Variants in AGFG2 observed in about 807,000 individuals in gnomAD.
The protein encoded by AGFG2 is ArfGAP with FG repeats 2, also known as arf-GAP domain and FG repeat-containing protein 2.
Under a neutral mutation model 48.0 loss-of-function variants are expected in AGFG2, and 31 were observed. The observed-to-expected ratio is 0.65, with a 90% CI of 0.49 to 0.87. AGFG2 has a LOEUF of 0.87. Among genes scored for constraint, AGFG2 ranks in the 40% least tolerant of loss-of-function variants. The pLI is 0.00. For missense variants in AGFG2, 599 were observed against 632.6 expected, an observed-to-expected ratio of 0.95 and a Z score of 0.57; for synonymous variants, 229 against 260.8, an observed-to-expected ratio of 0.88 and a Z score of 1.18.
At chr7:100,542,635 G>A (rs1800443484) in intron 1 of AGFG2, among the ~76,000 whole-genome samples, 1 of 152,184 alleles carries the variant, frequency 6.6e-6, no homozygotes, top group Non-Finnish European at 1.5e-5. Flanking sequence ...TTGATATGCT[G>A]TGGGAAGGAG....
intron 9 of AGFG2, among the ~76,000 whole-genome samples, 186 bp downstream of exon 9, chr7:100,563,132 A>C (rs1420666072): frequency 5.3e-5 from 8 of 152,180 alleles, no homozygotes; most frequent in Non-Finnish European, 1.2e-4. Context: ...TTAGAATTAG[A>C]AGCACACAGG....
Position 100,564,321 on chromosome 7 carries a change from G to C in AGFG2, c.1386+18G>C, listed in dbSNP as rs1264992344. Reference sequence around the variant, plus strand: ...CCTTCATGGTGAGTGTGCCAGCAGGGGTGCTGTGGTAGGGCTCGTGGGCTT... The same window carrying C: ...CCTTCATGGTGAGTGTGCCAGCAGGCGTGCTGTGGTAGGGCTCGTGGGCTT... On this transcript the variant is annotated intron_variant, in intron 11 of 11. Transcript: ENST00000300176. 1 of 1,608,686 alleles carries C rather than the reference G, an allele frequency of 6.2e-7. No homozygotes were observed. Among genetic ancestry groups the C allele is most frequent in the African/African-American group, 1.3e-5 (1 of 74,876 alleles).
intron 1 of AGFG2, 48 bp from the exon 2 acceptor site, chr7:100,548,774 C>T (rs1800562281): frequency 6.9e-7 from 1 of 1,446,628 alleles, no homozygotes; most frequent in Admixed American, 1.7e-5. Context: ...AACAGCCTGC[C>T]ATGCTAACTG....
rs753226163 is a variant in AGFG2 at position 100,562,689 on chromosome 7, C to G, written c.1087+7C>G. ...ACAGGGCTGGCCTTTGGAGGTGAGTCCTGCCTGTGGAGACCCAGGGGAGGG... is the reference window on the plus strand; with the variant it reads ...ACAGGGCTGGCCTTTGGAGGTGAGTGCTGCCTGTGGAGACCCAGGGGAGGG... On this transcript the variant is annotated splice_region_variant and intron_variant, in intron 8 of 11. Transcript: ENST00000300176. The surrounding 1 kb of genome is among the most constrained non-coding windows in gnomAD (Gnocchi z 5.4). 5 of 1,604,914 alleles carry G rather than the reference C, an allele frequency of 3.1e-6. No homozygotes were observed. The South Asian group carries it at 5.5e-5, about 18-fold the overall frequency.
At chr7:100,556,708 T>C (rs1217388693) in intron 6 of AGFG2, 10 of 1,189,568 alleles carry the variant, frequency 8.4e-6, no homozygotes, top group Middle Eastern at 2.3e-4. Flanking sequence ...CCCTTAAAAT[T>C]TGGCCATTTG....
At chr7:100,555,252 GT>G (rs1800732843) in intron 5 of AGFG2, among the ~76,000 whole-genome samples, 1 of 129,376 alleles carries the variant, frequency 7.7e-6, no homozygotes, top group Non-Finnish European at 1.7e-5. Flanking sequence ...TTTTTCTGTT[GT>G]GTGTGTGTGG....
chr7:100,540,524 G>C (rs932288000), intron 1 of AGFG2, among the ~76,000 whole-genome samples: 1 of 152,016 alleles, frequency 6.6e-6, no homozygotes, highest in Non-Finnish European at 1.5e-5. Flanking sequence ...CTAGATTTCT[G>C]GTTATATAGT....
intron 5 of AGFG2, among the ~76,000 whole-genome samples, chr7:100,555,293 A>G (rs548691897): frequency 5.3e-3 from 181 of 33,910 alleles, no homozygotes; most frequent in Non-Finnish European, 8.2e-3. Context: ...TTTTTTTTTG[A>G]GTCAGAGTCT....
intron 9 of AGFG2, among the ~76,000 whole-genome samples, 191 bp from the exon 10 acceptor site, chr7:100,563,643 A>AC (rs1236769869): frequency 1.3e-5 from 2 of 152,032 alleles, no homozygotes; most frequent in African/African-American, 4.8e-5. Context: ...CCTGCCACGT[A>AC]CCCCCGGGCA....
Position 100,560,810 on chromosome 7 carries a change from T to C in AGFG2, c.878-1449T>C, listed in dbSNP as rs929485138. Among the ~76,000 whole-genome samples the C allele has an allele frequency of 6.0e-3, 796 of 132,288 alleles. 6 individuals are homozygous for C. Among genetic ancestry groups the C allele is most frequent in the Non-Finnish European group, 9.6e-3 (568 of 59,358 alleles). 86.8% of individuals were successfully genotyped at this position (132,288 alleles called of 152,430 possible). A position where few individuals can be genotyped will look rare whatever the true frequency, so the allele number is the denominator to read the frequency against. On this transcript the variant is annotated intron_variant, in intron 6 of 11. Coordinates refer to ENST00000300176, the MANE Select transcript of AGFG2 (RefSeq NM_006076.5). ...TGCCTGGCATGTGGAAGATCTCCCTTTTTTTTTTTTTTTTTTTTTGAGACG... is the reference window on the plus strand; with the variant it reads ...TGCCTGGCATGTGGAAGATCTCCCTCTTTTTTTTTTTTTTTTTTTGAGACG...
intron 1 of AGFG2, among the ~76,000 whole-genome samples, chr7:100,547,145 G>A (rs1340668774): frequency 6.6e-6 from 1 of 151,992 alleles, no homozygotes; most frequent in Non-Finnish European, 1.5e-5. Context: ...ACTCTGTACT[G>A]AGTCCGCCCA....
intron 3 of AGFG2, among the ~76,000 whole-genome samples, chr7:100,551,056 A>T (rs1364560772): frequency 3.8e-5 from 3 of 79,774 alleles, no homozygotes; most frequent in African/African-American, 1.3e-4. Context: ...ATATATATAT[A>T]TATATATATA....
chr7:100,562,551 G>A lies in AGFG2; in HGVS notation c.999-43G>A. 6.2e-7 allele frequency: 1 copy of A among 1,612,764 alleles called. No individual in the cohort carries two copies. The highest frequency in any genetic ancestry group is 1.1e-5 in the South Asian group (1 of 90,982). Reference sequence around the variant, plus strand: ...CCTGGCCCCTTGCTCAGGTTTGATTGGCCCTGGCAGCTGTGTATGACTTCT... The same window carrying A: ...CCTGGCCCCTTGCTCAGGTTTGATTAGCCCTGGCAGCTGTGTATGACTTCT... On this transcript the variant is annotated intron_variant, in intron 7 of 11. Coordinates refer to ENST00000300176, the MANE Select transcript of AGFG2 (RefSeq NM_006076.5). The surrounding 1 kb of genome is among the most constrained non-coding windows in gnomAD (Gnocchi z 5.4).
chr7:100,545,789 G>A (rs540515231), intron 1 of AGFG2, among the ~76,000 whole-genome samples: 4 of 152,230 alleles, frequency 2.6e-5, no homozygotes, highest in African/African-American at 9.6e-5. Context: ...GCATGACCCT[G>A]GTGTGTACCC....
intron 2 of AGFG2, 137 bp from the exon 3 acceptor site, chr7:100,550,259 A>G (rs1800600476): frequency 1.7e-6 from 1 of 591,310 alleles, no homozygotes; most frequent in African/African-American, 2.0e-5. Flanking sequence ...GTGAGCTGAG[A>G]TCGTGCCACT....
intron 6 of AGFG2, among the ~76,000 whole-genome samples, chr7:100,558,529 T>C (rs1800801985): frequency 6.6e-6 from 1 of 150,538 alleles, no homozygotes; most frequent in African/African-American, 2.5e-5. Flanking sequence ...ACAGAGTTTT[T>C]TTTGTTTTTG....
chr7:100,559,181 TC>T (rs1332920444), intron 6 of AGFG2, among the ~76,000 whole-genome samples: 1 of 152,118 alleles, frequency 6.6e-6, no homozygotes, highest in Non-Finnish European at 1.5e-5. Context: ...AAGGAACATT[TC>T]CGAGGATCCT....
At chr7:100,552,876 G>A (rs941266539) in intron 3 of AGFG2, among the ~76,000 whole-genome samples, 1 of 152,194 alleles carries the variant, frequency 6.6e-6, no homozygotes, top group Non-Finnish European at 1.5e-5. Flanking sequence ...TTTGCCAGGT[G>A]TGGTGGCTCA....
chr7:100,562,532 C>G lies in AGFG2; in HGVS notation c.999-62C>G. ...GAGAGCAGGGTTGGCATCTCCTGGC[C>G]CCTTGCTCAGGTTTGATTGGCCCTG... On this transcript the variant is annotated intron_variant, in intron 7 of 11. Transcript: ENST00000300176. The surrounding 1 kb of genome is among the most constrained non-coding windows in gnomAD (Gnocchi z 5.4). 6.2e-7 allele frequency: 1 copy of G among 1,610,982 alleles called. No individual in the cohort carries two copies. Among genetic ancestry groups the G allele is most frequent in the East Asian group, 2.2e-5 (1 of 44,850 alleles).
Sources: allele counts gnomAD v4.1 joint callset (sites outside exome capture counted in the v4.1 genomes callset), GRCh38; gene constraint gnomAD v4.1.1; non-coding constraint Gnocchi (gnomAD v3.1); transcripts MANE v1.5; gene names NCBI Gene and HGNC (gene_info 2026-07-23, HGNC 2026-07-21).